SLC28A1: variants seen among roughly 807,000 people sequenced by gnomAD.
SLC28A1 encodes solute carrier family 28 member 1, also known as sodium/nucleoside cotransporter 1.
A neutral mutation model predicts 74.8 loss-of-function variants in SLC28A1; 64 were observed. That is an observed-to-expected ratio of 0.86 (90% confidence interval 0.70 to 1.05). The LOEUF (loss-of-function observed/expected upper bound fraction) is 1.05. Among genes scored for constraint, SLC28A1 ranks in the 50% least tolerant of loss-of-function variants. The probability of loss-of-function intolerance (pLI) is 0.00; values close to 1 mark genes in which losing one functional copy is unlikely to be tolerated. For missense variants in SLC28A1, 828 were observed against 822.8 expected, an observed-to-expected ratio of 1.01 and a Z score of -0.08; for synonymous variants, 359 against 335.0, an observed-to-expected ratio of 1.07 and a Z score of -0.78.
the SLC28A1 span, among the ~76,000 whole-genome samples, chr15:84,952,651 C>T: frequency 3.7e-3 from 558 of 152,208 alleles, 6 homozygotes; most frequent in Middle Eastern, 0.031. Context: ...TTTGGGAGGC[C>T]GAGGCAGGAG....
chr15:84,893,003 G>A (rs893701349), intron 5 of SLC28A1, among the ~76,000 whole-genome samples: 2 of 152,082 alleles, frequency 1.3e-5, no homozygotes, highest in Non-Finnish European at 2.9e-5. Context: ...TTCTGTCCTT[G>A]TGCCCCTCCT....
intron 8 of SLC28A1, among the ~76,000 whole-genome samples, chr15:84,906,637 T>TCTTC (rs1298408884): frequency 2.0e-5 from 3 of 147,814 alleles, no homozygotes; most frequent in African/African-American, 7.5e-5. Context: ...CTCCTTCCTT[T>TCTTC]CTTCCTTCCT....
intron 8 of SLC28A1, 117 bp downstream of exon 8, chr15:84,905,769 G>A (rs572834618): frequency 3.7e-6 from 3 of 817,576 alleles, no homozygotes; most frequent in African/African-American, 1.7e-5. Flanking sequence ...GGGACCTGGA[G>A]GGTGGGGTGG....
At position 84,936,234 on chromosome 15, in the gene SLC28A1, C is replaced by T. The variant is rs139632316; in HGVS notation, c.1581+716C>T. Among the ~76,000 whole-genome samples the T allele has an allele frequency of 4.8e-3, 686 of 141,860 alleles. 18 individuals carry two copies. Among genetic ancestry groups the T allele is most frequent in the African/African-American group, 0.016 (624 of 39,338 alleles). The allele number at this position is 141,860 out of a possible 152,430, so 93.1% of individuals were successfully genotyped here. A position where few individuals can be genotyped will look rare whatever the true frequency, so the allele number is the denominator to read the frequency against. On this transcript the variant is annotated intron_variant, in intron 15 of 18. Transcript: ENST00000394573. ...CTGGGATTACAAGCGTGAGCCACTGCGCCCGGCTGTTTTGGTTTGGTTTGG... is the reference window on the plus strand; with the variant it reads ...CTGGGATTACAAGCGTGAGCCACTGTGCCCGGCTGTTTTGGTTTGGTTTGG...
At chr15:84,888,558 G>A (rs929315668) in intron 3 of SLC28A1, among the ~76,000 whole-genome samples, 4 of 152,210 alleles carry the variant, frequency 2.6e-5, no homozygotes, top group East Asian at 1.9e-4. Flanking sequence ...CCATGAGCTC[G>A]CTGAGGGCAA....
rs765719750 is a variant in SLC28A1, at chr15:84,935,331, C to T, written c.1394C>T (p.Ser465Phe). 3.1e-6 allele frequency: 5 copies of T among 1,614,202 alleles called. No homozygotes were observed. The highest frequency in any genetic ancestry group is 4.2e-6 in the Non-Finnish European group (5 of 1,180,036). ...CCGTTGTGCCCTCAGCTCATCTGCT[C>T]CTACATCCTGCGGCCTGTAGCCTTC... ...IQGLSFQLIC[S>F]YILRPVAFLM... The change falls in exon 15 of 19, where the codon TCC (serine) becomes TTC (phenylalanine). Residue 465 changes from serine to phenylalanine, a missense_variant. Ser to Phe is a radical substitution (Grantham distance 155, BLOSUM62 -2). Coordinates refer to ENST00000394573, the MANE Select transcript of SLC28A1 (RefSeq NM_004213.5).
At chr15:84,923,947 C>A (rs1225169244) in intron 11 of SLC28A1, 38 bp from the exon 12 acceptor site, 1 of 1,613,760 alleles carries the variant, frequency 6.2e-7, no homozygotes, top group East Asian at 2.2e-5. Context: ...TGCCCAATCA[C>A]CCCCACCCTG....
In SLC28A1 at chr15:84,933,286, C is replaced by G. The variant is rs575370072; in HGVS notation, c.1214+11C>G. 4 of 1,611,928 alleles carry G rather than the reference C, an allele frequency of 2.5e-6. No homozygotes were observed. In the East Asian group the frequency reaches 6.7e-5, roughly 27 times the overall value. The stretch of plus-strand genomic sequence containing the variant: ...GAAACTGACCTATGGGTGAGCACAG[C>G]AGGAGGTCCTGCAGACAGGGTAGTG... On this transcript the variant is annotated intron_variant, in intron 13 of 18. Transcript: ENST00000394573.
the SLC28A1 span, among the ~76,000 whole-genome samples, chr15:84,959,579 T>C: frequency 6.6e-6 from 1 of 152,152 alleles, no homozygotes; most frequent in African/African-American, 2.4e-5. Context: ...TTCTGAAAAT[T>C]GTCCTTAAGC....
chr15:84,970,344 G>A, the SLC28A1 span, among the ~76,000 whole-genome samples: 10 of 152,240 alleles, frequency 6.6e-5, no homozygotes, highest in South Asian at 2.1e-4. Context: ...CCATGGTTGC[G>A]TCACATGCCC....
At chr15:84,934,201 G>T (rs745463791) in intron 13 of SLC28A1, among the ~76,000 whole-genome samples, 2 of 152,202 alleles carry the variant, frequency 1.3e-5, no homozygotes, top group African/African-American at 4.8e-5. Flanking sequence ...GCGCACTCCA[G>T]TTCTCACATC....
At chr15:84,921,416 C>T (rs112769153) in intron 11 of SLC28A1, among the ~76,000 whole-genome samples, 26 of 152,348 alleles carry the variant, frequency 1.7e-4, no homozygotes, top group African/African-American at 5.3e-4. Flanking sequence ...ATATAAGCCA[C>T]GGCTTCAAAT....
Position 84,886,699 on chromosome 15 carries a change from C to A in SLC28A1, c.-105C>A, listed in dbSNP as rs1964640027. 2.0e-6 allele frequency: 2 copies of A among 985,406 alleles called. No individual in the cohort carries two copies. The highest frequency in any genetic ancestry group is 2.4e-6 in the Non-Finnish European group (2 of 829,982). 61.0% of individuals were successfully genotyped at this position (985,406 alleles called of 1,614,324 possible). ...ATTTCTGCTGAAGTGACAAGGCAAG[C>A]CAGAGCCAAAGCAGGTTGGACCCAG... On this transcript the variant is annotated 5_prime_UTR_variant, in exon 2 of 19. Transcript: ENST00000394573.
chr15:84,918,705 A>G, intron 10 of SLC28A1, 101 bp downstream of exon 10: 1 of 878,542 alleles, frequency 1.1e-6, no homozygotes, highest in Non-Finnish European at 1.9e-6. Flanking sequence ...AAACCTCCCC[A>G]GACACACTGC....
intron 6 of SLC28A1, chr15:84,895,496 G>C: frequency 1.9e-6 from 3 of 1,595,594 alleles, no homozygotes; most frequent in South Asian, 1.1e-5. Context: ...AGGCTCGATC[G>C]GGGTCCAGGT....
At chr15:84,928,711 C>T (rs1255380110) in intron 12 of SLC28A1, among the ~76,000 whole-genome samples, 2 of 150,766 alleles carry the variant, frequency 1.3e-5, no homozygotes, top group African/African-American at 4.9e-5. Flanking sequence ...ACAACCTCCA[C>T]CTCCCAGGTT....
In SLC28A1 at chr15:84,890,478, T is replaced by C. The variant is rs1965242643; in HGVS notation, c.221T>C (p.Phe74Ser). ...NLQPALRARS[F>S]CREHMQLFRW... ...CAGCCAGCCCTGAGAGCCAGAAGCT[T>C]CTGCAGGGAGCACATGCAGCTGTTT... Residue 74 changes from phenylalanine to serine, a missense_variant, in exon 5 of 19, where the codon TTC (phenylalanine) becomes TCC (serine). This residue lies in a region of SLC28A1 where 767 missense variants were observed against 753.5 expected (regional missense o/e 1.02). Transcript: ENST00000394573. 1 of 1,611,066 alleles carries C rather than the reference T, an allele frequency of 6.2e-7. No individual in the cohort carries two copies. The highest frequency in any genetic ancestry group is 2.2e-5 in the East Asian group (1 of 44,882).
At chr15:84,895,561 G>C (rs1965906182) in intron 6 of SLC28A1, 1 of 1,537,554 alleles carries the variant, frequency 6.5e-7, no homozygotes, top group East Asian at 2.5e-5. Context: ...CAGCGTCCTT[G>C]GACAACAGTT....
At chr15:84,960,295 G>A in the SLC28A1 span, among the ~76,000 whole-genome samples, 1 of 116,060 alleles carries the variant, frequency 8.6e-6, no homozygotes, top group African/African-American at 3.3e-5. Flanking sequence ...TTGCTCTGTC[G>A]CCCAGGCTGG....
Sources: allele counts gnomAD v4.1 joint callset (sites outside exome capture counted in the v4.1 genomes callset), GRCh38; gene constraint gnomAD v4.1.1; regional missense constraint gnomAD v4.1.1; transcripts MANE v1.5; gene names NCBI Gene and HGNC (gene_info 2026-07-23, HGNC 2026-07-21).